CCDC91: variants seen among roughly 807,000 people sequenced by gnomAD.
CCDC91 encodes the protein coiled-coil domain-containing protein 91.
In CCDC91, 48 loss-of-function variants were observed where a neutral mutation model predicts 63.2. The ratio of observed to expected loss-of-function variants is 0.76; its 90% CI spans 0.60 to 0.97. The LOEUF is 0.97. CCDC91 is among the 50% of genes least tolerant of loss of function. The pLI, the probability that CCDC91 is intolerant of heterozygous loss-of-function variation, is 0.00. For synonymous variants in CCDC91, 167 were observed against 165.8 expected (o/e 1.01, Z -0.06); for missense variants, 500 against 494.6 (o/e 1.01, Z -0.10).
At chr12:28,332,080 A>T (rs1203984970) in intron 6 of CCDC91, among the ~76,000 whole-genome samples, 1 of 152,142 alleles carries the variant, frequency 6.6e-6, no homozygotes, top group Non-Finnish European at 1.5e-5. Flanking sequence ...TTAATATGTA[A>T]ATTTATTTTT....
intron 12 of CCDC91, among the ~76,000 whole-genome samples, chr12:28,495,133 A>G (rs1341282321): frequency 1.3e-5 from 2 of 151,672 alleles, no homozygotes; most frequent in African/African-American, 2.4e-5. Flanking sequence ...CAGTATAGCT[A>G]CCTTGATGAG....
intron 12 of CCDC91, among the ~76,000 whole-genome samples, chr12:28,544,984 C>A (rs181067071): frequency 6.6e-6 from 1 of 151,906 alleles, no homozygotes; most frequent in Non-Finnish European, 1.5e-5. Context: ...GCAGTTATAC[C>A]AGCAAACTGA....
chr12:28,521,963 G>T (rs562019079), intron 12 of CCDC91, among the ~76,000 whole-genome samples: 3 of 152,234 alleles, frequency 2.0e-5, no homozygotes, highest in African/African-American at 7.2e-5. Flanking sequence ...TGTGCTGCTG[G>T]ATTCGGTTTG....
intron 1 of CCDC91, among the ~76,000 whole-genome samples, chr12:28,198,634 A>G (rs1379179321): frequency 6.6e-6 from 1 of 152,208 alleles, no homozygotes; most frequent in Non-Finnish European, 1.5e-5. Context: ...GATAGTTTTC[A>G]TGAGATATTT....
chr12:28,447,712 G>GC (rs1295257167), intron 8 of CCDC91, among the ~76,000 whole-genome samples: 5 of 104,028 alleles, frequency 4.8e-5, no homozygotes, highest in African/African-American at 1.2e-4. Context: ...AGAAGAATGG[G>GC]AAGGGCAGGG....
At chr12:28,412,882 A>C in intron 8 of CCDC91, 1 of 429,418 alleles carries the variant, frequency 2.3e-6, no homozygotes, top group Admixed American at 2.5e-5. Context: ...CCAACTCCCT[A>C]CTCGACCCAG....
chr12:28,484,777 C>G (rs1951631488), intron 12 of CCDC91, among the ~76,000 whole-genome samples: 1 of 151,596 alleles, frequency 6.6e-6, no homozygotes, highest in African/African-American at 2.4e-5. Context: ...CTTCAGTCCT[C>G]TAAGCAATAC....
At chr12:28,314,235 C>G (rs1194411898) in intron 6 of CCDC91, among the ~76,000 whole-genome samples, 3 of 151,726 alleles carry the variant, frequency 2.0e-5, no homozygotes, top group Non-Finnish European at 4.4e-5. Context: ...TTTCAGAGGA[C>G]CTTAAATTTA....
chr12:28,392,446 A>C (rs1373343969), intron 8 of CCDC91, among the ~76,000 whole-genome samples: 1 of 152,190 alleles, frequency 6.6e-6, no homozygotes, highest in Non-Finnish European at 1.5e-5. Context: ...TGCGACGTGG[A>C]ACATTACCTG....
intron 1 of CCDC91, among the ~76,000 whole-genome samples, chr12:28,204,081 C>T (rs1380703103): frequency 6.6e-6 from 1 of 152,012 alleles, no homozygotes; most frequent in Admixed American, 6.5e-5. Flanking sequence ...CTCCCTCTGT[C>T]CCTTTTTAAA....
chr12:28,346,964 C>G (rs758529307), intron 6 of CCDC91, among the ~76,000 whole-genome samples: 66 of 152,158 alleles, frequency 4.3e-4, no homozygotes, highest in Non-Finnish European at 8.5e-4. Context: ...ACATAAAAGA[C>G]AACACTTTGG....
chr12:28,537,524 T>G (rs1469909402), intron 12 of CCDC91, among the ~76,000 whole-genome samples: 1 of 152,202 alleles, frequency 6.6e-6, no homozygotes, highest in East Asian at 1.9e-4. Context: ...CAGTGTAAAG[T>G]TGGTACCTTT....
intron 1 of CCDC91, among the ~76,000 whole-genome samples, chr12:28,235,398 CTA>C (rs1247805370): frequency 6.6e-6 from 1 of 151,984 alleles, no homozygotes; most frequent in Non-Finnish European, 1.5e-5. Context: ...ATGTTAAAGA[CTA>C]TGGAGGAACA....
chr12:28,361,187 T>C (rs1943854890), intron 6 of CCDC91, among the ~76,000 whole-genome samples: 1 of 151,674 alleles, frequency 6.6e-6, no homozygotes, highest in South Asian at 2.1e-4. Flanking sequence ...TTTATTATTT[T>C]ATTATTATTA....
intron 8 of CCDC91, among the ~76,000 whole-genome samples, chr12:28,399,051 A>T (rs1161922669): frequency 6.6e-6 from 1 of 152,186 alleles, no homozygotes. Flanking sequence ...GAAATACCCA[A>T]GATTGGGTAA....
intron 11 of CCDC91, among the ~76,000 whole-genome samples, chr12:28,473,163 A>T (rs1334413636): frequency 3.9e-5 from 6 of 152,184 alleles, no homozygotes; most frequent in African/African-American, 1.4e-4. Flanking sequence ...TTTGGTAATT[A>T]TGATTGAGTG....
At chr12:28,193,070 A>C (rs1271175165) in intron 1 of CCDC91, among the ~76,000 whole-genome samples, 1 of 152,112 alleles carries the variant, frequency 6.6e-6, no homozygotes, top group African/African-American at 2.4e-5. Context: ...ATGTTTGTTG[A>C]TGCTTGGTTG....
chr12:28,299,222 TGAA>T (rs1002526980), intron 3 of CCDC91, among the ~76,000 whole-genome samples: 8 of 151,692 alleles, frequency 5.3e-5, no homozygotes, highest in African/African-American at 1.9e-4. Flanking sequence ...CAGAAAACCT[TGAA>T]GAAATGGACA....
At position 28,306,736 on chromosome 12, in the gene CCDC91, G is replaced by A; in HGVS notation, c.268-6G>A. On this transcript the variant is annotated splice_region_variant and splice_polypyrimidine_tract_variant and intron_variant, in intron 4 of 12. Coordinates refer to ENST00000536442, the MANE Select transcript of CCDC91 (RefSeq NM_018318.5). Reference sequence around the variant, plus strand: ...TCTTGTGTATTTTTTTTTTTATGTGGTTTAGATTCAGCAATCAACACACAC... The same window carrying A: ...TCTTGTGTATTTTTTTTTTTATGTGATTTAGATTCAGCAATCAACACACAC... 6.3e-7 allele frequency: 1 copy of A among 1,587,618 alleles called. No homozygotes were observed. The highest frequency in any genetic ancestry group is 8.6e-7 in the Non-Finnish European group (1 of 1,164,972).
Sources: allele counts gnomAD v4.1 joint callset (sites outside exome capture counted in the v4.1 genomes callset), GRCh38; gene constraint gnomAD v4.1.1; transcripts MANE v1.5; gene names NCBI Gene and HGNC (gene_info 2026-07-23, HGNC 2026-07-21).